Variants in NAV3 observed in about 807,000 individuals in gnomAD.
NAV3 encodes the protein pore membrane and/or filament interacting like protein 1.
A neutral mutation model predicts 244.7 loss-of-function variants in NAV3; 87 were observed. That is an observed-to-expected ratio of 0.36 (90% CI 0.30 to 0.42). The LOEUF (loss-of-function observed/expected upper bound fraction) is 0.42, where lower values mean the gene tolerates loss of function less well. NAV3 is among the 20% of genes least tolerant of loss of function. The probability of loss-of-function intolerance (pLI) is 1.00; values close to 1 mark genes in which losing one functional copy is unlikely to be tolerated. For missense variants in NAV3, 2,663 were observed against 2,893.3 expected, an observed-to-expected ratio of 0.92 and a Z score of 1.83; for synonymous variants, 1,126 against 1,042.2, an observed-to-expected ratio of 1.08 and a Z score of -1.55.
chr12:78,001,338 G>C (rs1414349803), intron 7 of NAV3, among the ~76,000 whole-genome samples: 1 of 152,112 alleles, frequency 6.6e-6, no homozygotes, highest in African/African-American at 2.4e-5. Context: ...CAAATTATCT[G>C]TAATGTGTTC....
intron 2 of NAV3, among the ~76,000 whole-genome samples, chr12:77,664,538 G>C (rs975278973): frequency 6.6e-6 from 1 of 152,032 alleles, no homozygotes; most frequent in Non-Finnish European, 1.5e-5. Flanking sequence ...ACATGTTCTA[G>C]GGAAAATATA....
At chr12:77,870,202 T>G (rs1429764057) in intron 1 of NAV3, among the ~76,000 whole-genome samples, 2 of 151,738 alleles carry the variant, frequency 1.3e-5, no homozygotes, top group African/African-American at 4.8e-5. Flanking sequence ...CCGTCTCAAC[T>G]AAAAATACAA....
intron 5 of NAV3, among the ~76,000 whole-genome samples, chr12:77,977,739 C>CAA (rs1868772314): frequency 1.3e-5 from 2 of 151,620 alleles, no homozygotes; most frequent in African/African-American, 4.8e-5. Flanking sequence ...CACACACACA[C>CAA]ACTCTCTTCA....
chr12:77,635,028 A>T (rs1872095872), intron 2 of NAV3, among the ~76,000 whole-genome samples: 1 of 152,062 alleles, frequency 6.6e-6, no homozygotes, highest in Non-Finnish European at 1.5e-5. Context: ...CAGGAGTTCG[A>T]GACCAGCCTG....
rs960154714 is a variant in NAV3, at chr12:78,189,606, TTCTTCACATTTATTCTTATAG to T, written c.6056-359_6056-339del. On this transcript the variant is annotated intron_variant, in intron 33 of 39. Transcript: ENST00000397909. ...TGTGTGTATATAATCTTCACATTTA[TTCTTCACATTTATTCTTATAG>T]TCTTCACATTTATTCTTAACAAAGA... Among the ~76,000 whole-genome samples the T allele has an allele frequency of 1.7e-4, 26 of 151,564 alleles. 1 individual carries two copies. Among genetic ancestry groups the T allele is most frequent in the Admixed American group, 1.1e-3 (16 of 15,136 alleles).
chr12:77,822,214 C>T (rs551771300), intron 2 of NAV3, among the ~76,000 whole-genome samples: 1 of 152,292 alleles, frequency 6.6e-6, no homozygotes, highest in Admixed American at 6.5e-5. Flanking sequence ...AAATGCATGT[C>T]ATAGAGCATA....
intron 2 of NAV3, among the ~76,000 whole-genome samples, chr12:77,628,045 T>C (rs1871716211): frequency 6.6e-6 from 1 of 152,176 alleles, no homozygotes; most frequent in Admixed American, 6.5e-5. Flanking sequence ...TGATTAGTTA[T>C]TGGGTAAAAA....
At chr12:77,619,878 C>T (rs1215512317) in intron 2 of NAV3, among the ~76,000 whole-genome samples, 5 of 152,052 alleles carry the variant, frequency 3.3e-5, no homozygotes, top group East Asian at 3.9e-4. Context: ...AAGTCTCTCT[C>T]TCTCACACAC....
At chr12:77,596,594 G>T (rs1014280456) in intron 2 of NAV3, among the ~76,000 whole-genome samples, 1 of 152,018 alleles carries the variant, frequency 6.6e-6, no homozygotes, top group East Asian at 1.9e-4. Context: ...TTAAAATAAA[G>T]GTTAGCACAA....
chr12:78,041,494 C>A (rs1395719473), intron 9 of NAV3, among the ~76,000 whole-genome samples: 1 of 152,114 alleles, frequency 6.6e-6, no homozygotes, highest in Non-Finnish European at 1.5e-5. Flanking sequence ...TAAATTTGTT[C>A]ATTTGGTTTC....
At chr12:77,870,343 A>G (rs770151) in intron 1 of NAV3, among the ~76,000 whole-genome samples, 17,109 of 148,854 alleles carry the variant, frequency 0.11, 1,206 homozygotes, top group East Asian at 0.21. Context: ...CCATCTTGGT[A>G]ACAGAGTGAG....
intron 2 of NAV3, among the ~76,000 whole-genome samples, chr12:77,795,475 G>A (rs1210003603): frequency 6.6e-6 from 1 of 152,096 alleles, no homozygotes; most frequent in Non-Finnish European, 1.5e-5. Flanking sequence ...CAGAAGATCT[G>A]ATGAAGATGG....
At chr12:78,089,094 C>G (rs300484) in intron 12 of NAV3, among the ~76,000 whole-genome samples, 28,486 of 152,000 alleles carry the variant, frequency 0.19, 2,670 homozygotes, top group Non-Finnish European at 0.21. Context: ...TTGCAAATAT[C>G]GCAGGTCAGG....
chr12:78,123,537 A>AT (rs923645860), intron 16 of NAV3, among the ~76,000 whole-genome samples: 25 of 79,102 alleles, frequency 3.2e-4, no homozygotes, highest in African/African-American at 1.2e-3. Context: ...TTGACTTTGT[A>AT]AAAACAAAAC....
intron 9 of NAV3, among the ~76,000 whole-genome samples, chr12:78,034,490 G>A (rs958082548): frequency 3.9e-5 from 6 of 152,188 alleles, no homozygotes; most frequent in African/African-American, 1.4e-4. Flanking sequence ...AACATATGAA[G>A]CTTGAGAACC....
At chr12:78,049,488 C>G (rs1882402077) in intron 9 of NAV3, among the ~76,000 whole-genome samples, 2 of 152,178 alleles carry the variant, frequency 1.3e-5, no homozygotes, top group Non-Finnish European at 2.9e-5. Context: ...TTGCACTTCC[C>G]AGGTGAGGCA....
chr12:77,806,268 T>C (rs556485454), intron 2 of NAV3, among the ~76,000 whole-genome samples: 1 of 152,334 alleles, frequency 6.6e-6, no homozygotes, highest in African/African-American at 2.4e-5. Context: ...AGGATGTTGA[T>C]TTTAGATCTT....
intron 2 of NAV3, among the ~76,000 whole-genome samples, chr12:77,651,071 CTATA>C (rs1872799891): frequency 1.3e-5 from 2 of 152,200 alleles, no homozygotes; most frequent in South Asian, 4.2e-4. Context: ...CAAAGTACAA[CTATA>C]TCGCACATTG....
rs1430933358 is a variant in NAV3 at position 77,738,202 on chromosome 12, T to G, written c.72+165936T>G. Among the ~76,000 whole-genome samples the G allele has an allele frequency of 2.6e-5, 4 of 152,230 alleles. No homozygotes were observed. The South Asian group carries it at 6.2e-4, about 24-fold the overall frequency. Reference sequence around the variant, plus strand: ...ATGGCAGAATTCTTTCTTGGGTTTTTAAGATTGCTCCTAATAACCTTCCAT... The same window carrying G: ...ATGGCAGAATTCTTTCTTGGGTTTTGAAGATTGCTCCTAATAACCTTCCAT... On this transcript the variant is annotated intron_variant, in intron 2 of 8. Transcript: ENST00000550042.
Sources: gnomAD v4.1 joint callset for allele counts (sites outside exome capture counted in the v4.1 genomes callset) on GRCh38, gnomAD v4.1.1 for gene constraint, MANE v1.5 for transcripts, NCBI Gene and HGNC (gene_info 2026-07-23, HGNC 2026-07-21) for gene names.